TENM2: variants seen among roughly 807,000 people sequenced by gnomAD.
TENM2 encodes teneurin transmembrane protein 2, also known as teneurin-2.
Under a neutral mutation model 245.2 loss-of-function variants are expected in TENM2, and 52 were observed. The ratio of observed to expected loss-of-function variants is 0.21; its 90% CI spans 0.17 to 0.27. TENM2 has a LOEUF of 0.27. Ranked by LOEUF, TENM2 falls within the 10% of genes least tolerant of loss-of-function variation. TENM2 has a pLI of 1.00. For missense variants in TENM2, 3,046 were observed against 3,666.8 expected, an observed-to-expected ratio of 0.83 and a Z score of 4.37; for synonymous variants, 1,363 against 1,438.9, an observed-to-expected ratio of 0.95 and a Z score of 1.19.
intron 2 of TENM2, among the ~76,000 whole-genome samples, chr5:167,646,588 T>G (rs1779980176): frequency 6.6e-6 from 1 of 151,966 alleles, no homozygotes; most frequent in Non-Finnish European, 1.5e-5. Context: ...CTGCTTTGCT[T>G]CAGTTGGACA....
chr5:167,885,055 G>A (rs928350352), intron 3 of TENM2, among the ~76,000 whole-genome samples: 2 of 152,060 alleles, frequency 1.3e-5, no homozygotes, highest in African/African-American at 2.4e-5. Flanking sequence ...TTGAAGAAAC[G>A]TCTATTCAAG....
intron 28 of TENM2, among the ~76,000 whole-genome samples, chr5:168,261,457 G>A (rs1669442431): frequency 6.6e-6 from 1 of 152,180 alleles, no homozygotes; most frequent in Non-Finnish European, 1.5e-5. Context: ...CAGTAGTTCT[G>A]GAGTGAGGCC....
intron 2 of TENM2, among the ~76,000 whole-genome samples, chr5:167,598,598 C>T (rs1292928973): frequency 1.3e-5 from 2 of 152,092 alleles, no homozygotes; most frequent in Admixed American, 6.6e-5. Flanking sequence ...AAATGAAAAC[C>T]GTCATGAAAG....
the TENM2 span, among the ~76,000 whole-genome samples, chr5:167,163,118 A>G: frequency 6.6e-6 from 1 of 152,156 alleles, no homozygotes; most frequent in African/African-American, 2.4e-5. Context: ...TTTATTCTTC[A>G]GAGGTGGGGG....
the TENM2 span, among the ~76,000 whole-genome samples, chr5:167,047,268 T>C: frequency 1.3e-5 from 2 of 152,196 alleles, no homozygotes; most frequent in Non-Finnish European, 2.9e-5. Flanking sequence ...CTGGATTCCT[T>C]TTCAGCTTTT....
the TENM2 span, among the ~76,000 whole-genome samples, chr5:167,212,098 C>G: frequency 1.3e-5 from 2 of 152,100 alleles, no homozygotes; most frequent in African/African-American, 4.8e-5. Context: ...GATTCAAACA[C>G]GGTAGAGAAG....
At chr5:167,034,629 C>CAAAAAAAA in the TENM2 span, among the ~76,000 whole-genome samples, 1 of 72,250 alleles carries the variant, frequency 1.4e-5, no homozygotes, top group East Asian at 4.4e-4. Flanking sequence ...GACTCCGTCT[C>CAAAAAAAA]AAAAAAAAAA....
chr5:167,639,643 A>G (rs1779429153), intron 2 of TENM2, among the ~76,000 whole-genome samples: 1 of 152,128 alleles, frequency 6.6e-6, no homozygotes, highest in Admixed American at 6.5e-5. Context: ...GTCCACTCAG[A>G]TATCACTTCA....
chr5:167,774,660 A>G (rs909850333), intron 2 of TENM2, among the ~76,000 whole-genome samples: 1 of 152,186 alleles, frequency 6.6e-6, no homozygotes, highest in African/African-American at 2.4e-5. Flanking sequence ...GAGAATTCCA[A>G]GTTAATGAGA....
At chr5:167,811,380 C>A (rs1293110637) in intron 2 of TENM2, among the ~76,000 whole-genome samples, 1 of 151,970 alleles carries the variant, frequency 6.6e-6, no homozygotes, top group East Asian at 1.9e-4. Context: ...TGCACACTCC[C>A]TCCACTCTCT....
chr5:168,036,864 A>T (rs1787756682), intron 5 of TENM2, among the ~76,000 whole-genome samples: 1 of 151,730 alleles, frequency 6.6e-6, no homozygotes, highest in African/African-American at 2.4e-5. Context: ...TCTTTTTTAT[A>T]GATGCAAGTA....
At chr5:167,776,970 A>T (rs1196323969) in intron 2 of TENM2, among the ~76,000 whole-genome samples, 1 of 152,266 alleles carries the variant, frequency 6.6e-6, no homozygotes, top group Non-Finnish European at 1.5e-5. Flanking sequence ...TTAAGAAAAC[A>T]CTTTGTTTTT....
rs571798337 is a variant in TENM2, at chr5:167,559,978, A to C, written c.502+184505A>C. 1.0e-4 allele frequency among the ~76,000 whole-genome samples: 15 copies of C among 150,358 alleles called. No homozygotes were observed. In the East Asian group the frequency reaches 2.9e-3, roughly 30 times the overall value. ...GGCTCTCACGACCAAGGCAATCCCCACCCCTCCTCTCACCCCTCCCACTCT... is the reference window on the plus strand; with the variant it reads ...GGCTCTCACGACCAAGGCAATCCCCCCCCCTCCTCTCACCCCTCCCACTCT... On this transcript the variant is annotated intron_variant, in intron 2 of 28. Coordinates refer to ENST00000518659, the Ensembl canonical transcript of TENM2.
intron 2 of TENM2, among the ~76,000 whole-genome samples, chr5:167,598,232 T>C (rs1027651982): frequency 6.6e-6 from 1 of 152,224 alleles, no homozygotes; most frequent in Non-Finnish European, 1.5e-5. Context: ...TTCTCTTATT[T>C]ACCTTCTGGA....
chr5:167,715,442 G>T (rs1001074857), intron 2 of TENM2, among the ~76,000 whole-genome samples: 1 of 152,268 alleles, frequency 6.6e-6, no homozygotes, highest in East Asian at 1.9e-4. Context: ...ATGACAACCC[G>T]TTAATCCAAA....
chr5:167,527,676 C>T (rs572485373), intron 2 of TENM2, among the ~76,000 whole-genome samples: 2 of 152,244 alleles, frequency 1.3e-5, no homozygotes, highest in East Asian at 3.9e-4. Flanking sequence ...TCATCAAATA[C>T]ATTATTTGCA....
chr5:167,519,083 T>C (rs542940698), intron 2 of TENM2, among the ~76,000 whole-genome samples: 93 of 152,308 alleles, frequency 6.1e-4, no homozygotes, highest in African/African-American at 2.2e-3. Context: ...GAATCCATAA[T>C]GTTTACCCCT....
chr5:167,976,159 T>A (rs1455477038), intron 4 of TENM2, among the ~76,000 whole-genome samples: 4 of 151,762 alleles, frequency 2.6e-5, no homozygotes, highest in Non-Finnish European at 5.9e-5. Context: ...CCTTCATCCA[T>A]CTACCCAGCA....
intron 4 of TENM2, among the ~76,000 whole-genome samples, chr5:167,987,970 G>A (rs1783377868): frequency 1.3e-5 from 2 of 152,276 alleles, no homozygotes; most frequent in East Asian, 1.9e-4. Context: ...GAAGGGAGGT[G>A]ATAACTAAAT....
Sources: allele counts gnomAD v4.1 joint callset (sites outside exome capture counted in the v4.1 genomes callset), GRCh38; gene constraint gnomAD v4.1.1; transcripts MANE v1.5; gene names NCBI Gene and HGNC (gene_info 2026-07-23, HGNC 2026-07-21).